SYNE2: variants seen among roughly 807,000 people sequenced by gnomAD.
SYNE2 encodes spectrin repeat containing nuclear envelope protein 2, also known as nesprin-2.
SYNE2 carries 431 observed loss-of-function variants against 856.3 expected under a neutral mutation model. The observed-to-expected ratio is 0.50, with a 90% CI of 0.47 to 0.55. The LOEUF (loss-of-function observed/expected upper bound fraction) is 0.55, where lower values mean the gene tolerates loss of function less well. Ranked by LOEUF, SYNE2 falls within the 20% of genes least tolerant of loss-of-function variation. The pLI is 0.00. For missense variants in SYNE2, 8,129 were observed against 8,023.2 expected (o/e 1.01, Z -0.50); for synonymous variants, 2,923 against 2,872.3 (o/e 1.02, Z -0.56).
chr14:63,787,070 T>G (rs1375540104), intron 1 of SYNE2, among the ~76,000 whole-genome samples: 3 of 152,172 alleles, frequency 2.0e-5, no homozygotes, highest in Non-Finnish European at 4.4e-5. Flanking sequence ...GCCTTCTTTT[T>G]TCTTTCTTTC....
rs570807539 is a variant in SYNE2, at chr14:63,947,601, C to T, written c.409-2224C>T. On this transcript the variant is annotated intron_variant, in intron 6 of 115. Transcript: ENST00000555002. ...CTGTAATCCCAGCACTTTGGGAGGC[C>T]GAGGCAGGTGGACCACCTGAGGTTG... is the stretch of plus-strand genomic sequence containing the variant. Among the ~76,000 whole-genome samples the T allele has an allele frequency of 5.9e-5, 9 of 151,930 alleles. No individual in the cohort carries two copies. In the East Asian group the frequency reaches 1.6e-3, roughly 26 times the overall value.
intron 1 of SYNE2, among the ~76,000 whole-genome samples, chr14:63,902,122 C>T (rs1244123912): frequency 1.3e-5 from 2 of 151,828 alleles, no homozygotes; most frequent in African/African-American, 4.8e-5. Flanking sequence ...AGAGTAGTTT[C>T]ATTTAAGGTC....
intron 103 of SYNE2, among the ~76,000 whole-genome samples, chr14:64,211,028 C>G (rs2098638196): frequency 6.6e-6 from 1 of 152,154 alleles, no homozygotes; most frequent in Non-Finnish European, 1.5e-5. Flanking sequence ...GTTGCCCAGG[C>G]TGGAGTGCAG....
intron 99 of SYNE2, among the ~76,000 whole-genome samples, chr14:64,191,842 C>T (rs896851435): frequency 2.0e-5 from 3 of 152,178 alleles, no homozygotes; most frequent in South Asian, 2.1e-4. Flanking sequence ...AAGTTTTGAA[C>T]CATTCTTGAC....
chr14:63,781,898 T>C (rs542200783), intron 1 of SYNE2, among the ~76,000 whole-genome samples: 1 of 151,982 alleles, frequency 6.6e-6, no homozygotes, highest in East Asian at 1.9e-4. Flanking sequence ...ATCCCAGCAC[T>C]TTGAAAGGCC....
At chr14:63,990,872 G>A (rs2096661487) in intron 20 of SYNE2, 70 bp from the exon 21 acceptor site, 2 of 1,258,664 alleles carry the variant, frequency 1.6e-6, no homozygotes, top group Middle Eastern at 2.2e-4. Context: ...AAATAACAAA[G>A]TATTTGTTAA....
chr14:64,163,209 C>T lies in SYNE2; in HGVS notation c.16300-193C>T, dbSNP rs74467937. Reference sequence around the variant, plus strand: ...CTTTTAGTTTTGAACTGACAAATTTCGGAAAAGCGCCAGTGATATACATCA... The same window carrying T: ...CTTTTAGTTTTGAACTGACAAATTTTGGAAAAGCGCCAGTGATATACATCA... On this transcript the variant is annotated intron_variant, in intron 88 of 115. Transcript: ENST00000555002. Among the ~76,000 whole-genome samples, 511 of 152,282 alleles carry T rather than the reference C, an allele frequency of 3.4e-3. 1 individual carries two copies. The highest frequency in any genetic ancestry group is 5.8e-3 in the Non-Finnish European group (392 of 68,016).
Position 64,022,818 on chromosome 14 carries a change from A to G in SYNE2, c.5592A>G (p.Ser1864=), listed in dbSNP as rs1162779778. Residue 1864 remains serine (S), a synonymous_variant, in exon 38 of 116, where the codon TCA becomes TCG. Coordinates refer to ENST00000555002, the MANE Select transcript of SYNE2 (RefSeq NM_182914.3). ...IKVNLKECFE[S]SETKKSVEQK... Reference sequence around the variant, plus strand: ...TGAACCTTAAGGAGTGTTTTGAATCATCAGAAACAAAAAAGAGTGTGGAAC... The same window carrying G: ...TGAACCTTAAGGAGTGTTTTGAATCGTCAGAAACAAAAAAGAGTGTGGAAC... The G allele has an allele frequency of 6.2e-7, 1 of 1,611,782 alleles. No individual in the cohort carries two copies. The highest frequency in any genetic ancestry group is 1.7e-5 in the Admixed American group (1 of 59,942).
In SYNE2 at chr14:63,981,299, G is replaced by C. The variant is rs373606880; in HGVS notation, c.1836+126G>C. On this transcript the variant is annotated intron_variant, in intron 16 of 115. Coordinates refer to ENST00000555002, the MANE Select transcript of SYNE2 (RefSeq NM_182914.3). Reference sequence around the variant, plus strand: ...ACCAGTGTTTTGGAAAATTCTTCAAGGTCTTGGAAAGAATTTAGTTTCTTC... The same window carrying C: ...ACCAGTGTTTTGGAAAATTCTTCAACGTCTTGGAAAGAATTTAGTTTCTTC... 3.0e-5 allele frequency: 25 copies of C among 841,598 alleles called. No homozygotes were observed. The African/African-American group carries it at 3.8e-4, about 13-fold the overall frequency. The allele number at this position is 841,598 out of a possible 1,614,324, so 52.1% of individuals were successfully genotyped here.
intron 6 of SYNE2, among the ~76,000 whole-genome samples, chr14:63,948,156 G>GACACACACACACACACAC (rs151256085): frequency 1.9e-4 from 24 of 124,338 alleles, no homozygotes; most frequent in African/African-American, 6.3e-4. Flanking sequence ...TACACACACA[G>GACACACACACACACACAC]ACACACACAT....
rs764329057 is a variant in SYNE2, at chr14:64,126,498, G to A, written c.13707+19G>A. ...CTACGAGGTAGGGCACTTCTCACGAGCCCATGTGTTGGCCATTACAGCAGC... is the reference window on the plus strand; with the variant it reads ...CTACGAGGTAGGGCACTTCTCACGAACCCATGTGTTGGCCATTACAGCAGC... On this transcript the variant is annotated intron_variant, in intron 72 of 115. Transcript: ENST00000555002. 8.1e-6 allele frequency: 13 copies of A among 1,613,996 alleles called. No individual in the cohort carries two copies. The East Asian group carries it at 1.1e-4, about 14-fold the overall frequency.
At chr14:63,895,590 C>CA (rs34613830) in intron 1 of SYNE2, among the ~76,000 whole-genome samples, 7,953 of 88,266 alleles carry the variant, frequency 0.09, 346 homozygotes, top group Non-Finnish European at 0.12. Flanking sequence ...CTGTCTCTAT[C>CA]AAAAAAAAAA....
chr14:63,771,197 G>A (rs973521470), intron 1 of SYNE2, among the ~76,000 whole-genome samples: 1 of 151,140 alleles, frequency 6.6e-6, no homozygotes, highest in African/African-American at 2.4e-5. Flanking sequence ...AGCCTCCCGA[G>A]TAGCTGGGAC....
intron 1 of SYNE2, among the ~76,000 whole-genome samples, chr14:63,785,313 G>A (rs1317447944): frequency 6.6e-6 from 1 of 151,982 alleles, no homozygotes; most frequent in Non-Finnish European, 1.5e-5. Flanking sequence ...ACAAAATGTA[G>A]TTAGGTAGGT....
intron 100 of SYNE2, 146 bp downstream of exon 100, chr14:64,203,109 C>T: frequency 1.9e-6 from 2 of 1,055,612 alleles, no homozygotes; most frequent in Non-Finnish European, 2.8e-6. Flanking sequence ...GACCACCTTT[C>T]CATGTTCTTA....
chr14:63,960,886 TA>T, intron 8 of SYNE2: 1 of 599,786 alleles, frequency 1.7e-6, no homozygotes, highest in South Asian at 2.0e-5. Flanking sequence ...CTAAAAAAAA[TA>T]AAAAATAAGA....
At chr14:63,912,098 T>A (rs937570532) in intron 2 of SYNE2, among the ~76,000 whole-genome samples, 1 of 152,188 alleles carries the variant, frequency 6.6e-6, no homozygotes, top group African/African-American at 2.4e-5. Context: ...CTGTTCACAT[T>A]AGCCAGGTAC....
At chr14:64,210,672 A>T (rs188359074) in intron 103 of SYNE2, among the ~76,000 whole-genome samples, 3 of 152,352 alleles carry the variant, frequency 2.0e-5, no homozygotes, top group East Asian at 1.9e-4. Context: ...CATTCAGAAG[A>T]TGTGCTGTGT....
intron 1 of SYNE2, among the ~76,000 whole-genome samples, chr14:63,897,065 A>G (rs952396366): frequency 6.6e-6 from 1 of 152,210 alleles, no homozygotes; most frequent in Non-Finnish European, 1.5e-5. Flanking sequence ...CAGCCTGGCC[A>G]ACATGGTGAA....
Sources: allele counts gnomAD v4.1 joint callset (sites outside exome capture counted in the v4.1 genomes callset), GRCh38; gene constraint gnomAD v4.1.1; transcripts MANE v1.5; gene names NCBI Gene and HGNC (gene_info 2026-07-23, HGNC 2026-07-21).